MLPH: variants seen among roughly 807,000 people sequenced by gnomAD.
MLPH encodes exophilin-3.
Under a neutral mutation model 72.1 loss-of-function variants are expected in MLPH, and 51 were observed. The ratio of observed to expected loss-of-function variants is 0.71; its 90% CI spans 0.56 to 0.89. The LOEUF (loss-of-function observed/expected upper bound fraction) is 0.89, where lower values mean the gene tolerates loss of function less well. Among genes scored for constraint, MLPH ranks in the 40% least tolerant of loss-of-function variants. The pLI, the probability that MLPH is intolerant of heterozygous loss-of-function variation, is 0.00. For synonymous variants in MLPH, 301 were observed against 310.1 expected, an observed-to-expected ratio of 0.97 and a Z score of 0.31; for missense variants, 743 against 759.9, an observed-to-expected ratio of 0.98 and a Z score of 0.26.
intron 5 of MLPH, among the ~76,000 whole-genome samples, chr2:237,519,123 T>C (rs1461770129): frequency 1.4e-4 from 21 of 152,112 alleles, no homozygotes; most frequent in Non-Finnish European, 8.8e-5. Flanking sequence ...GTGTTTCTGT[T>C]TTCACGTATT....
intron 5 of MLPH, 36 bp from the exon 6 acceptor site, chr2:237,519,874 C>G: frequency 6.2e-7 from 1 of 1,613,852 alleles, no homozygotes; most frequent in African/African-American, 1.3e-5. Context: ...CAAGCTAGCC[C>G]TGACTTGAGT....
Position 237,518,817 on chromosome 2 carries a change from G to C in MLPH, c.555+169G>C, listed in dbSNP as rs565798216. On this transcript the variant is annotated intron_variant, in intron 5 of 15. Transcript: ENST00000264605. ...CCTTTCCCAGGCCTCAGTAGTCTCTGAGATCATTGGGCACCAGGCAGGAGC... is the reference window on the plus strand; with the variant it reads ...CCTTTCCCAGGCCTCAGTAGTCTCTCAGATCATTGGGCACCAGGCAGGAGC... Among the ~76,000 whole-genome samples, 3 of 152,340 alleles carry C rather than the reference G, an allele frequency of 2.0e-5. No individual in the cohort carries two copies. In the East Asian group the frequency reaches 5.8e-4, roughly 29 times the overall value.
At chr2:237,507,862 G>A (rs1377105728) in intron 2 of MLPH, among the ~76,000 whole-genome samples, 1 of 152,156 alleles carries the variant, frequency 6.6e-6, no homozygotes, top group Admixed American at 6.6e-5. Flanking sequence ...TCTCTCTGTT[G>A]TTCTCTCAAG....
intron 8 of MLPH, among the ~76,000 whole-genome samples, chr2:237,530,966 C>T (rs4663259): frequency 3.3e-5 from 5 of 152,222 alleles, no homozygotes; most frequent in Admixed American, 6.5e-5. Flanking sequence ...ACACACAAGT[C>T]GAGCAGAGCC....
At chr2:237,511,256 G>T in intron 4 of MLPH, 155 bp downstream of exon 4, 3 of 597,634 alleles carry the variant, frequency 5.0e-6, no homozygotes, top group Admixed American at 3.0e-5. Flanking sequence ...GTGAATTCCT[G>T]CTTCTGGCTG....
intron 9 of MLPH, among the ~76,000 whole-genome samples, chr2:237,538,538 C>T (rs1019007656): frequency 2.0e-5 from 3 of 152,180 alleles, no homozygotes; most frequent in Admixed American, 1.3e-4. Flanking sequence ...ATGCTGGCGG[C>T]GTCGCTGTCC....
At chr2:237,531,166 G>A (rs1451120927) in intron 8 of MLPH, among the ~76,000 whole-genome samples, 1 of 152,210 alleles carries the variant, frequency 6.6e-6, no homozygotes, top group African/African-American at 2.4e-5. Flanking sequence ...TAGAGCCCAG[G>A]TTCTAGACAG....
intron 12 of MLPH, among the ~76,000 whole-genome samples, chr2:237,544,518 G>T (rs1016781295): frequency 0.33 from 2 of 6 alleles, no homozygotes; most frequent in African/African-American, 0.5. Flanking sequence ...GGACAGTGGT[G>T]AGTGGGGGGG....
Position 237,504,572 on chromosome 2 carries a change from T to C in MLPH, c.111-6002T>C, listed in dbSNP as rs141938754. On this transcript the variant is annotated intron_variant, in intron 2 of 15. Transcript: ENST00000264605. The stretch of plus-strand genomic sequence containing the variant: ...TGGTGGAGCTCTGAAATGGCAGCAG[T>C]TGGACGGGAGCCACTGCCCCACGGC... Among the ~76,000 whole-genome samples the C allele has an allele frequency of 1.2e-3, 186 of 152,332 alleles. 3 individuals are homozygous for C. Among genetic ancestry groups the C allele is most frequent in the African/African-American group, 3.9e-3 (163 of 41,588 alleles).
chr2:237,532,914 C>T (rs2080450963), intron 8 of MLPH, among the ~76,000 whole-genome samples: 1 of 152,210 alleles, frequency 6.6e-6, no homozygotes, highest in African/African-American at 2.4e-5. Flanking sequence ...CCAGGCAATC[C>T]GCTGAGAGAT....
intron 4 of MLPH, chr2:237,518,172 G>A: frequency 2.7e-6 from 1 of 372,896 alleles, no homozygotes; most frequent in Non-Finnish European, 5.2e-6. Context: ...GGATGGATGA[G>A]CCACTGATTG....
upstream of MLPH, among the ~76,000 whole-genome samples, chr2:237,486,919 C>T (rs540776869): frequency 3.9e-5 from 6 of 152,288 alleles, no homozygotes; most frequent in East Asian, 9.7e-4. Context: ...CGATGTGCCG[C>T]GCGCTCTAGA....
At chr2:237,548,280 G>A (rs1053794263) in intron 13 of MLPH, among the ~76,000 whole-genome samples, 3 of 152,222 alleles carry the variant, frequency 2.0e-5, no homozygotes, top group African/African-American at 7.2e-5. Flanking sequence ...GCCTCTGGCA[G>A]CCGCCCACAA....
chr2:237,533,334 G>GAAAGA (rs2080461475), intron 8 of MLPH, among the ~76,000 whole-genome samples: 1 of 150,500 alleles, frequency 6.6e-6, no homozygotes. Flanking sequence ...AAAAAGCAGA[G>GAAAGA]AAAGAAGCTC....
chr2:237,491,786 G>A (rs971430788), intron 1 of MLPH, among the ~76,000 whole-genome samples: 2 of 152,186 alleles, frequency 1.3e-5, no homozygotes, highest in East Asian at 1.9e-4. Flanking sequence ...TGTGAGGCCT[G>A]TGTGATATTG....
Position 237,542,643 on chromosome 2 carries a change from G to A in MLPH, c.1523G>A (p.Arg508Lys), listed in dbSNP as rs1352995007. The change falls in exon 12 of 16, where the codon AGG becomes AAG. Residue 508 changes from arginine to lysine, a missense_variant. Physicochemically the swap from Arg to Lys is conservative, Grantham distance 26. Coordinates refer to ENST00000264605, the MANE Select transcript of MLPH (RefSeq NM_024101.7). ...LTVKPSGKPR[R>K]KSNLPIFLPR... is the part of the protein sequence containing the mutation. ...GTGAAGCCCTCGGGAAAGCCCCGGA[G>A]GAAGTCAAACCTCCCGGTGAGTGGG... The A allele has an allele frequency of 2.3e-5, 36 of 1,586,498 alleles. No individual in the cohort carries two copies. The highest frequency in any genetic ancestry group is 2.8e-5 in the Non-Finnish European group (33 of 1,167,102).
intron 14 of MLPH, 196 bp from the exon 15 acceptor site, chr2:237,552,141 A>T: frequency 1.8e-6 from 1 of 556,806 alleles, no homozygotes; most frequent in Non-Finnish European, 3.2e-6. Flanking sequence ...CAAAGGAGAA[A>T]GAAGTTGGCA....
intron 2 of MLPH, among the ~76,000 whole-genome samples, chr2:237,501,598 G>C (rs2079648120): frequency 6.7e-6 from 1 of 149,432 alleles, no homozygotes; most frequent in African/African-American, 2.5e-5. Flanking sequence ...AGGCCGAAGA[G>C]GGTGGATCAC....
intron 8 of MLPH, among the ~76,000 whole-genome samples, chr2:237,532,648 AG>A (rs1469465782): frequency 6.6e-6 from 1 of 152,352 alleles, no homozygotes; most frequent in African/African-American, 2.4e-5. Flanking sequence ...TGAAAGCTCA[AG>A]GGGTTCCTAC....
Sources: gnomAD v4.1 joint callset for allele counts (sites outside exome capture counted in the v4.1 genomes callset) on GRCh38, gnomAD v4.1.1 for gene constraint, MANE v1.5 for transcripts, NCBI Gene and HGNC (gene_info 2026-07-23, HGNC 2026-07-21) for gene names.